The following HIVEP1 variants were observed in gnomAD, a reference collection of about 807,000 sequenced individuals.
HIVEP1 encodes zinc finger protein 40.
A neutral mutation model predicts 180.0 loss-of-function variants in HIVEP1; 36 were observed. The observed-to-expected ratio is 0.20, with a 90% CI of 0.15 to 0.26. The LOEUF (loss-of-function observed/expected upper bound fraction) is 0.26, where lower values mean the gene tolerates loss of function less well. HIVEP1 is among the 10% of genes least tolerant of loss of function. The pLI, the probability that HIVEP1 is intolerant of heterozygous loss-of-function variation, is 1.00. For synonymous variants in HIVEP1, 1,239 were observed against 1,239.0 expected (o/e 1.00, Z 0.00); for missense variants, 3,143 against 3,268.7 (o/e 0.96, Z 0.94).
chr6:12,011,599 C>T (rs1396694530), upstream of HIVEP1, among the ~76,000 whole-genome samples: 1 of 149,972 alleles, frequency 6.7e-6, no homozygotes, highest in African/African-American at 2.4e-5. Context: ...CTGCCACCTC[C>T]TCCCGCGTCC....
chr6:12,153,423 A>C (rs1055986156), intron 7 of HIVEP1, among the ~76,000 whole-genome samples: 6 of 152,154 alleles, frequency 3.9e-5, no homozygotes, highest in African/African-American at 1.4e-4. Flanking sequence ...CTCTGAGAAA[A>C]AGTCAACTCC....
At chr6:12,051,672 T>C (rs182131691) in intron 2 of HIVEP1, among the ~76,000 whole-genome samples, 36 of 151,826 alleles carry the variant, frequency 2.4e-4, no homozygotes, top group Non-Finnish European at 4.0e-4. Context: ...TTTTTTTGTT[T>C]CTCGGGAAGG....
At chr6:12,147,345 C>T (rs946969821) in intron 7 of HIVEP1, among the ~76,000 whole-genome samples, 4 of 152,140 alleles carry the variant, frequency 2.6e-5, no homozygotes, top group Admixed American at 6.5e-5. Flanking sequence ...TAAATAGTGA[C>T]ACATACAGTG....
At chr6:12,126,327 T>C (rs1561978928) in intron 4 of HIVEP1, among the ~76,000 whole-genome samples, 2 of 152,204 alleles carry the variant, frequency 1.3e-5, no homozygotes, top group Admixed American at 6.5e-5. Flanking sequence ...CATTTAGACT[T>C]GTCTTGAGCT....
At chr6:12,201,625 G>A in the HIVEP1 span, among the ~76,000 whole-genome samples, 7 of 152,208 alleles carry the variant, frequency 4.6e-5, no homozygotes, top group African/African-American at 1.7e-4. Context: ...TTGAGAAGCT[G>A]CTAATAGGCT....
At chr6:12,009,216 C>T (rs1199258427), upstream of HIVEP1, among the ~76,000 whole-genome samples, 1 of 148,388 alleles carries the variant, frequency 6.7e-6, no homozygotes, top group Non-Finnish European at 1.5e-5. Context: ...GAGCCGGGCC[C>T]GGCCGGGCGG....
chr6:12,122,126 A>G lies in HIVEP1; in HGVS notation c.2331A>G (p.Arg777=). The change falls in exon 4 of 9, where the codon CGA becomes CGG. Residue 777 remains arginine, a synonymous_variant. Coordinates refer to ENST00000379388, the MANE Select transcript of HIVEP1 (RefSeq NM_002114.4). ...CGCGGAGAACCTCACTGTCAAGACG[A>G]GGAAGCATTGATTCCCCCAAATCAT... is the stretch of plus-strand genomic sequence containing the variant. ...VKPRRTSLSR[R]GSIDSPKSYI... 6.2e-7 allele frequency: 1 copy of G among 1,614,210 alleles called. No individual in the cohort carries two copies. Among genetic ancestry groups the G allele is most frequent in the Non-Finnish European group, 8.5e-7 (1 of 1,180,022 alleles).
chr6:12,174,470 C>T, the HIVEP1 span, among the ~76,000 whole-genome samples: 4 of 152,080 alleles, frequency 2.6e-5, no homozygotes, highest in African/African-American at 9.7e-5. Flanking sequence ...TTAAGCAACC[C>T]TAGTACCCCC....
At position 12,125,008 on chromosome 6, in the gene HIVEP1, A is replaced by G; in HGVS notation, c.5213A>G (p.Gln1738Arg). The part of the protein sequence containing the change: ...KISVGRLSPQ[Q>R]ESSASSKRML... ...TCTGTTGGTCGACTTTCCCCTCAAC[A>G]AGAATCTTCAGCTTCGAGTAAAAGG... Residue 1738 changes from glutamine (Q) to arginine (R), a missense_variant, in exon 4 of 9, where the codon CAA becomes CGA. This residue lies in a region of HIVEP1 where 1,357 missense variants were observed against 1,260.5 expected (regional missense o/e 1.08). Coordinates refer to ENST00000379388, the MANE Select transcript of HIVEP1 (RefSeq NM_002114.4). 2 of 1,614,188 alleles carry G rather than the reference A, an allele frequency of 1.2e-6. No homozygotes were observed. The highest frequency in any genetic ancestry group is 1.7e-6 in the Non-Finnish European group (2 of 1,180,034).
chr6:12,129,990 C>T (rs1758330097), intron 5 of HIVEP1, 98 bp downstream of exon 5: 10 of 770,628 alleles, frequency 1.3e-5, no homozygotes, highest in South Asian at 5.3e-5. Flanking sequence ...AATTTAGTAT[C>T]GATGTTGCAA....
chr6:12,114,415 C>G (rs977238675), intron 3 of HIVEP1, among the ~76,000 whole-genome samples: 1 of 152,130 alleles, frequency 6.6e-6, no homozygotes, highest in African/African-American at 2.4e-5. Flanking sequence ...CATGTTTTGT[C>G]TCATCTTTCT....
intron 3 of HIVEP1, among the ~76,000 whole-genome samples, chr6:12,104,380 CTCTCTCTCTCTTCGTT>C (rs1561942172): frequency 1.4e-5 from 2 of 140,734 alleles, no homozygotes; most frequent in Admixed American, 7.3e-5. Context: ...CTCTCTCTTT[CTCTCTCTCTCTTCGTT>C]TCTCTCTCTC....
At chr6:12,147,140 C>G (rs1409273510) in intron 7 of HIVEP1, among the ~76,000 whole-genome samples, 1 of 152,086 alleles carries the variant, frequency 6.6e-6, no homozygotes, top group Non-Finnish European at 1.5e-5. Context: ...GGCTGGGAAG[C>G]AGGCTGGGGG....
chr6:12,199,347 A>G, the HIVEP1 span, among the ~76,000 whole-genome samples: 1 of 145,962 alleles, frequency 6.9e-6, no homozygotes, highest in African/African-American at 2.5e-5. Context: ...TTTCATTGTA[A>G]TGACTGTCAA....
At chr6:12,041,098 T>C (rs184861705) in intron 2 of HIVEP1, among the ~76,000 whole-genome samples, 156 of 152,258 alleles carry the variant, frequency 1.0e-3, no homozygotes, top group African/African-American at 3.5e-3. Context: ...GACAGTTTGC[T>C]CTCTCTCCTG....
intron 2 of HIVEP1, among the ~76,000 whole-genome samples, chr6:12,049,505 G>A (rs576802570): frequency 1.5e-4 from 23 of 152,294 alleles, no homozygotes; most frequent in African/African-American, 5.3e-4. Flanking sequence ...CTGCCTGATC[G>A]GATGTGTCTC....
chr6:12,089,050 A>G (rs1043389718), intron 2 of HIVEP1, 134 bp from the exon 3 acceptor site: 8 of 537,056 alleles, frequency 1.5e-5, no homozygotes, highest in Middle Eastern at 5.0e-4. Flanking sequence ...CAGTTTATAC[A>G]CATCTGTATC....
At chr6:12,186,900 C>T in the HIVEP1 span, among the ~76,000 whole-genome samples, 7 of 147,840 alleles carry the variant, frequency 4.7e-5, no homozygotes, top group East Asian at 2.0e-4. Context: ...TTTTTTTTAG[C>T]GAAAAGATGA....
rs953424851 is a variant in HIVEP1 at position 12,108,646 on chromosome 6, A to G, written c.95-11244A>G. Among the ~76,000 whole-genome samples, 22 of 152,318 alleles carry G rather than the reference A, an allele frequency of 1.4e-4. 1 individual carries two copies. Among genetic ancestry groups the G allele is most frequent in the African/African-American group, 5.0e-4 (21 of 41,586 alleles). ...CGCTGGCCTGGGTGCTAAGCCCCTC[A>G]TTGCCCGGGGCCAGCAGGGCCGGCC... On this transcript the variant is annotated intron_variant, in intron 3 of 8. Coordinates refer to ENST00000379388, the MANE Select transcript of HIVEP1 (RefSeq NM_002114.4).
Sources: allele counts gnomAD v4.1 joint callset (sites outside exome capture counted in the v4.1 genomes callset), GRCh38; gene constraint gnomAD v4.1.1; regional missense constraint gnomAD v4.1.1; transcripts MANE v1.5; gene names NCBI Gene and HGNC (gene_info 2026-07-23, HGNC 2026-07-21).